PPAN: variants seen among roughly 807,000 people sequenced by gnomAD.
PPAN encodes suppressor of SWI4 1 homolog.
Under a neutral mutation model 48.5 loss-of-function variants are expected in PPAN, and 39 were observed. The observed-to-expected ratio is 0.80, with a 90% CI of 0.62 to 1.05. The LOEUF is 1.05. Among genes scored for constraint, PPAN ranks in the 50% least tolerant of loss-of-function variants. PPAN has a pLI of 0.00. For missense variants in PPAN, 736 were observed against 661.7 expected (o/e 1.11, Z -1.23); for synonymous variants, 315 against 268.6 (o/e 1.17, Z -1.69).
Position 10,110,865 on chromosome 19 carries a change from G to T in PPAN, c.1200G>T (p.Glu400Asp). Residue 400 changes from glutamate (E) to aspartate (D), a missense_variant and splice_region_variant, in exon 11 of 12, where the codon GAG becomes GAT. Coordinates refer to ENST00000253107, the MANE Select transcript of PPAN (RefSeq NM_020230.7). The surrounding 1 kb of genome is among the most constrained non-coding windows in gnomAD (Gnocchi z 5.9). ...AGGCGGTGGGCGAGGCGCCCAGTGAGGGTATGGAGTGGGGTCTGCAGCAGG... is the reference window on the plus strand; with the variant it reads ...AGGCGGTGGGCGAGGCGCCCAGTGATGGTATGGAGTGGGGTCTGCAGCAGG... ...FCQAVGEAPS[E>D]DLFPEAKQKR... The T allele has an allele frequency of 6.2e-7, 1 of 1,613,782 alleles. No homozygotes were observed. Among genetic ancestry groups the T allele is most frequent in the Non-Finnish European group, 8.5e-7 (1 of 1,179,970 alleles).
rs1216075173 is a variant in PPAN, at chr19:10,111,864, C to T, written c.*699C>T. The T allele has an allele frequency of 8.5e-7, 1 of 1,172,338 alleles. No homozygotes were observed. Among genetic ancestry groups the T allele is most frequent in the African/African-American group, 1.5e-5 (1 of 66,298 alleles). 72.6% of individuals were successfully genotyped at this position (1,172,338 alleles called of 1,614,324 possible). A position where few individuals can be genotyped will look rare whatever the true frequency, so the allele number is the denominator to read the frequency against. ...CGGTGGCTCACGCCTGTAATCCCAG[C>T]ACTTTGGGAGGTCGAGGGGGGTGGA... is the stretch of plus-strand genomic sequence containing the variant. On this transcript the variant is annotated 3_prime_UTR_variant, in exon 12 of 12. Transcript: ENST00000253107.
intron 3 of PPAN, 37 bp downstream of exon 3, chr19:10,107,643 C>T (rs755531569): frequency 1.2e-6 from 2 of 1,609,304 alleles, no homozygotes; most frequent in Non-Finnish European, 8.5e-7. Context: ...TCCCCCAGAC[C>T]CCCCCTTCCC....
Position 10,107,801 on chromosome 19 carries a change from C to T in PPAN, c.292-3C>T. 6.2e-7 allele frequency: 1 copy of T among 1,613,728 alleles called. No homozygotes were observed. The highest frequency in any genetic ancestry group is 8.5e-7 in the Non-Finnish European group (1 of 1,179,668). The stretch of plus-strand genomic sequence containing the variant: ...GAGTCACTGATCTTTTCTTCTCCTG[C>T]AGAAGCTGATGCGCCTCCCAGGAGG... On this transcript the variant is annotated splice_polypyrimidine_tract_variant and splice_region_variant and intron_variant, in intron 3 of 11. Transcript: ENST00000253107.
chr19:10,109,111 G>A (rs866784913), intron 5 of PPAN, among the ~76,000 whole-genome samples: 14 of 151,722 alleles, frequency 9.2e-5, no homozygotes, highest in South Asian at 8.3e-4. Flanking sequence ...ACAGGTGCCC[G>A]CCACCACACC....
In PPAN at chr19:10,111,453, C is replaced by T. The variant is rs2089072040; in HGVS notation, c.*288C>T. 1 of 620,496 alleles carries T rather than the reference C, an allele frequency of 1.6e-6. No individual in the cohort carries two copies. Among genetic ancestry groups the T allele is most frequent in the East Asian group, 2.8e-5 (1 of 36,346 alleles). The allele number at this position is 620,496 out of a possible 1,614,324, so 38.4% of individuals were successfully genotyped here. A position where few individuals can be genotyped will look rare whatever the true frequency, so the allele number is the denominator to read the frequency against. ...TGCACGGGGTTGGTTTCATTGGTGG[C>T]AGCAGCAGCCATGAGTGGCCCCTCC... is the stretch of plus-strand genomic sequence containing the variant. On this transcript the variant is annotated 3_prime_UTR_variant, in exon 12 of 12. Coordinates refer to ENST00000253107, the MANE Select transcript of PPAN (RefSeq NM_020230.7).
In PPAN at chr19:10,110,418, C is replaced by T. The variant is rs771091822; in HGVS notation, c.901+16C>T. ...CACAGTTTTGGTGAGGCCGGGGCCG[C>T]CGGGGGTGGGGGGTCATGGGTGTGG... On this transcript the variant is annotated intron_variant, in intron 9 of 11. Transcript: ENST00000253107. This position sits in a 1 kb window ranked among gnomAD's most constrained non-coding sequence, Gnocchi z 5.9. 3.7e-6 allele frequency: 6 copies of T among 1,612,544 alleles called. No individual in the cohort carries two copies. The highest frequency in any genetic ancestry group is 5.1e-6 in the Non-Finnish European group (6 of 1,179,844).
At position 10,111,305 on chromosome 19, in the gene PPAN, C is replaced by T. The variant is rs1299663492; in HGVS notation, c.*140C>T. 22 of 1,073,558 alleles carry T rather than the reference C, an allele frequency of 2.0e-5. No individual in the cohort carries two copies. Among genetic ancestry groups the T allele is most frequent in the Non-Finnish European group, 2.7e-5 (21 of 770,686 alleles). The allele number at this position is 1,073,558 out of a possible 1,614,324, so 66.5% of individuals were successfully genotyped here. A position where few individuals can be genotyped will look rare whatever the true frequency, so the allele number is the denominator to read the frequency against. On this transcript the variant is annotated 3_prime_UTR_variant, in exon 12 of 12. Transcript: ENST00000253107. ...AAGAACTGAATTGGCCAGGGGTCCA[C>T]GTCAGCGTTTGGGATGGGGGATTCT...
At chr19:10,107,232 C>T (rs2088860786) in intron 2 of PPAN, among the ~76,000 whole-genome samples, 1 of 152,296 alleles carries the variant, frequency 6.6e-6, no homozygotes, top group Middle Eastern at 3.4e-3. Flanking sequence ...GGGTTGGAAA[C>T]TGACTTCTCC....
In PPAN at chr19:10,108,002, G is replaced by C; in HGVS notation, c.381G>C (p.Arg127=). 1 of 1,611,646 alleles carries C rather than the reference G, an allele frequency of 6.2e-7. No homozygotes were observed. The highest frequency in any genetic ancestry group is 2.2e-5 in the East Asian group (1 of 44,880). Residue 127 remains arginine (R), a synonymous_variant, in exon 5 of 12, where the codon CGG becomes CGC. Transcript: ENST00000253107. ...GTGATGTGGTCTCCTCACTGCGCCG[G>C]CACCGCATGCACGAGCAGCAGTTTG... is the stretch of plus-strand genomic sequence containing the variant. ...LVRDVVSSLR[R]HRMHEQQFAH... is the part of the protein sequence containing the mutation.
At chr19:10,107,123 G>C in intron 2 of PPAN, 1 of 413,302 alleles carries the variant, frequency 2.4e-6, no homozygotes, top group Non-Finnish European at 4.7e-6. Context: ...GGAAATTAAG[G>C]CTGTAGTGAA....
chr19:10,106,595 G>A lies in PPAN; in HGVS notation c.113G>A (p.Cys38Tyr). ...CACTCGTTCGTGTTCACGCGAGGCTGCACGGGTCGCAACATCCGGCAGCTC... is the reference window on the plus strand; with the variant it reads ...CACTCGTTCGTGTTCACGCGAGGCTACACGGGTCGCAACATCCGGCAGCTC... ...NPHSFVFTRGCTGRNIRQLSL... is the reference protein window; with the variant it reads ...NPHSFVFTRGYTGRNIRQLSL... The change falls in exon 2 of 12, where the codon TGC becomes TAC. Residue 38 changes from cysteine (C) to tyrosine (Y), a missense_variant. Coordinates refer to ENST00000253107, the MANE Select transcript of PPAN (RefSeq NM_020230.7). 6.4e-7 allele frequency: 1 copy of A among 1,550,778 alleles called. No homozygotes were observed. The highest frequency in any genetic ancestry group is 8.7e-7 in the Non-Finnish European group (1 of 1,148,098).
rs768737822 is a variant in PPAN, at chr19:10,109,664, A to C, written c.547A>C (p.Ile183Leu). 2 of 1,613,870 alleles carry C rather than the reference A, an allele frequency of 1.2e-6. No homozygotes were observed. The change falls in exon 6 of 12, where the codon ATC becomes CTC. Residue 183 changes from isoleucine to leucine, a missense_variant. Physicochemically the swap from Ile to Leu is conservative, Grantham distance 5 (BLOSUM62 2). Coordinates refer to ENST00000253107, the MANE Select transcript of PPAN (RefSeq NM_020230.7). ...NLNTIKRCLL[I>L]DYNPDSQELD... ...GAACACCATCAAGCGCTGCCTCCTC[A>C]TCGACTACAACCCCGACTCCCAGGA...
chr19:10,107,404 TCAGATG>T, intron 2 of PPAN, 95 bp from the exon 3 acceptor site: 1 of 1,268,508 alleles, frequency 7.9e-7, no homozygotes. Context: ...GTTGAAAGGG[TCAGATG>T]CAAGACAGAC....
chr19:10,107,622 C>T lies in PPAN; in HGVS notation c.291+16C>T, dbSNP rs1419522277. ...TGTCTACTTTGTGAGTAGACGCCCTCACCCTTCATCTCCCCCAGACCCCCC... is the reference window on the plus strand; with the variant it reads ...TGTCTACTTTGTGAGTAGACGCCCTTACCCTTCATCTCCCCCAGACCCCCC... On this transcript the variant is annotated intron_variant, in intron 3 of 11. Transcript: ENST00000253107. 4 of 1,613,500 alleles carry T rather than the reference C, an allele frequency of 2.5e-6. No homozygotes were observed. The highest frequency in any genetic ancestry group is 1.3e-5 in the African/African-American group (1 of 75,016).
At chr19:10,109,571 C>G (rs925528264) in intron 5 of PPAN, 60 bp from the exon 6 acceptor site, 6 of 1,534,788 alleles carry the variant, frequency 3.9e-6, no homozygotes, top group Non-Finnish European at 5.3e-6. Flanking sequence ...CCCCAAAGCC[C>G]CCACTTCCCC....
At chr19:10,106,754 G>T in intron 2 of PPAN, 83 bp downstream of exon 2, 1 of 1,457,132 alleles carries the variant, frequency 6.9e-7, no homozygotes, top group South Asian at 1.4e-5. Context: ...CTGTAAAACT[G>T]TGGGAGGACT....
Position 10,110,869 on chromosome 19 carries a change from A to T in PPAN, c.1201+3A>T. The T allele has an allele frequency of 6.2e-7, 1 of 1,613,242 alleles. No homozygotes were observed. The highest frequency in any genetic ancestry group is 8.5e-7 in the Non-Finnish European group (1 of 1,179,806). On this transcript the variant is annotated splice_donor_region_variant and intron_variant, in intron 11 of 11. Transcript: ENST00000253107. This position sits in a 1 kb window ranked among gnomAD's most constrained non-coding sequence, Gnocchi z 5.9. ...GGTGGGCGAGGCGCCCAGTGAGGGTATGGAGTGGGGTCTGCAGCAGGGCAC... is the reference window on the plus strand; with the variant it reads ...GGTGGGCGAGGCGCCCAGTGAGGGTTTGGAGTGGGGTCTGCAGCAGGGCAC...
intron 5 of PPAN, among the ~76,000 whole-genome samples, chr19:10,108,406 C>G (rs188553992): frequency 3.4e-4 from 52 of 152,212 alleles, no homozygotes; most frequent in African/African-American, 1.1e-3. Context: ...GTGTTGAGTG[C>G]TGGGCTGAGC....
Position 10,111,024 on chromosome 19 carries a change from CA to C in PPAN, c.1282del (p.Arg428GlyfsTer85). On this transcript the variant is annotated frameshift_variant, in exon 12 of 12. Transcript: ENST00000253107. LOFTEE classifies it low-confidence loss of function (END_TRUNC). ...KRKRWEMDRG[R>X]GRLCDQKFPK... ...GGAAGCGGTGGGAAATGGATCGAGG[CA>C]GGGGTCGCCTTTGTGACCAGAAGTT... is the stretch of plus-strand genomic sequence containing the variant. 6.2e-7 allele frequency: 1 copy of C among 1,613,572 alleles called. No individual in the cohort carries two copies. The highest frequency in any genetic ancestry group is 8.5e-7 in the Non-Finnish European group (1 of 1,179,954).
Sources: allele counts gnomAD v4.1 joint callset (sites outside exome capture counted in the v4.1 genomes callset), GRCh38; gene constraint gnomAD v4.1.1; non-coding constraint Gnocchi (gnomAD v3.1); transcripts MANE v1.5; gene names NCBI Gene and HGNC (gene_info 2026-07-23, HGNC 2026-07-21).